CAMK1: variants seen among roughly 807,000 people sequenced by gnomAD.
The protein encoded by CAMK1 is calcium/calmodulin-dependent protein kinase type 1.
In CAMK1, 39 loss-of-function variants were observed where a neutral mutation model predicts 49.1. The ratio of observed to expected loss-of-function variants is 0.79; its 90% CI spans 0.62 to 1.04. The LOEUF (loss-of-function observed/expected upper bound fraction) is 1.04. Ranked by LOEUF, CAMK1 falls within the 50% of genes least tolerant of loss-of-function variation. The pLI is 0.00. For synonymous variants in CAMK1, 192 were observed against 185.2 expected, an observed-to-expected ratio of 1.04 and a Z score of -0.30; for missense variants, 457 against 472.2, an observed-to-expected ratio of 0.97 and a Z score of 0.30.
At chr3:9,764,321 G>A (rs1341888644) in intron 3 of CAMK1, among the ~76,000 whole-genome samples, 1 of 152,052 alleles carries the variant, frequency 6.6e-6, no homozygotes, top group Non-Finnish European at 1.5e-5. Flanking sequence ...TTGAGACGGA[G>A]TTTTACTCTT....
chr3:9,759,393 C>G (rs536390884), intron 10 of CAMK1, 95 bp downstream of exon 10: 1 of 1,573,874 alleles, frequency 6.4e-7, no homozygotes. Flanking sequence ...TACTGTGTGC[C>G]CAGTGTGATG....
At position 9,763,179 on chromosome 3, in the gene CAMK1, T is replaced by C. The variant is rs1347191149; in HGVS notation, c.250A>G (p.Ile84Val). Residue 84 changes from isoleucine to valine, a missense_variant, in exon 4 of 12, where the codon ATC (isoleucine) becomes GTC (valine). By Grantham distance (29) the Ile-to-Val change is conservative. Coordinates refer to ENST00000256460, the MANE Select transcript of CAMK1 (RefSeq NM_003656.5). ...KHPNIVALDD[I>V]YESGGHLYLI... ...TAGAGGTGGCCCCCACTCTCATAGA[T>C]GTCATCCAGGGCTACAATGTTGGGG... 6.2e-7 allele frequency: 1 copy of C among 1,613,938 alleles called. No individual in the cohort carries two copies. Among genetic ancestry groups the C allele is most frequent in the East Asian group, 2.2e-5 (1 of 44,878 alleles).
intron 7 of CAMK1, 96 bp downstream of exon 7, chr3:9,761,365 A>G (rs1477820284): frequency 9.5e-6 from 12 of 1,257,486 alleles, no homozygotes; most frequent in Non-Finnish European, 1.3e-5. Flanking sequence ...GGAGGGAAGG[A>G]AGGGAGGGCA....
rs1239614122 is a variant in CAMK1 at position 9,757,735 on chromosome 3, C to A, written c.1024G>T (p.Ala342Ser). ...ASHGELLTPV[A>S]GGPAAGCCCR... ...TGCAGAGCCCGCTCCTCACCCCCAGCCACTGGTGTCAGCAGCTCCCCATGG... is the reference window on the plus strand; with the variant it reads ...TGCAGAGCCCGCTCCTCACCCCCAGACACTGGTGTCAGCAGCTCCCCATGG... The change falls in exon 11 of 12, where the codon GCT becomes TCT. Residue 342 changes from alanine to serine, a missense_variant. Ala to Ser is a moderately conservative substitution (Grantham distance 99). Coordinates refer to ENST00000256460, the MANE Select transcript of CAMK1 (RefSeq NM_003656.5). The surrounding 1 kb of genome is among the most constrained non-coding windows in gnomAD (Gnocchi z 4.5). 3.1e-6 allele frequency: 5 copies of A among 1,614,076 alleles called. No homozygotes were observed. The African/African-American group carries it at 5.3e-5, about 17-fold the overall frequency.
intron 8 of CAMK1, 85 bp downstream of exon 8, chr3:9,760,571 G>A (rs972980547): frequency 2.2e-6 from 3 of 1,376,548 alleles, no homozygotes; most frequent in Non-Finnish European, 1.0e-6. Context: ...CCGACAGAAG[G>A]AAGGCAGGAG....
chr3:9,757,853 T>C lies in CAMK1; in HGVS notation c.913-7A>G. On this transcript the variant is annotated splice_region_variant and splice_polypyrimidine_tract_variant and intron_variant, in intron 10 of 11. Transcript: ENST00000256460. This position sits in a 1 kb window ranked among gnomAD's most constrained non-coding sequence, Gnocchi z 4.5. ...CCGTGGCATTGAAGGCTTGCTGGCA[T>C]TGAAGGCATTGAAGGGAGAGGGGAG... 6.3e-7 allele frequency: 1 copy of C among 1,597,048 alleles called. No homozygotes were observed. Among genetic ancestry groups the C allele is most frequent in the Non-Finnish European group, 8.6e-7 (1 of 1,166,922 alleles).
intron 8 of CAMK1, 78 bp downstream of exon 8, chr3:9,760,578 G>GGT: frequency 6.8e-7 from 1 of 1,461,358 alleles, no homozygotes; most frequent in South Asian, 1.1e-5. Flanking sequence ...AAGGAAGGCA[G>GGT]GAGGGAGACC....
intron 2 of CAMK1, chr3:9,766,166 T>A: frequency 1.1e-6 from 1 of 914,954 alleles, no homozygotes; most frequent in Non-Finnish European, 1.7e-6. Flanking sequence ...TGGTAGGATG[T>A]AAGCCTGGAG....
chr3:9,763,548 A>G (rs2125585285), intron 3 of CAMK1, among the ~76,000 whole-genome samples: 1 of 152,138 alleles, frequency 6.6e-6, no homozygotes, highest in South Asian at 2.1e-4. Flanking sequence ...GTTTATTACC[A>G]TTTTTTGGAA....
At position 9,763,218 on chromosome 3, in the gene CAMK1, A is replaced by G; in HGVS notation, c.216-5T>C. The G allele has an allele frequency of 6.2e-7, 1 of 1,613,702 alleles. No homozygotes were observed. The highest frequency in any genetic ancestry group is 1.1e-5 in the South Asian group (1 of 91,064). On this transcript the variant is annotated splice_region_variant and splice_polypyrimidine_tract_variant and intron_variant, in intron 3 of 11. Transcript: ENST00000256460. ...ACAATGTTGGGGTGCTTGATCCTGAAAGGAGAAATGAGGTGGTTTAGCCAG... is the reference window on the plus strand; with the variant it reads ...ACAATGTTGGGGTGCTTGATCCTGAGAGGAGAAATGAGGTGGTTTAGCCAG...
intron 5 of CAMK1, chr3:9,762,276 G>A (rs1280010587): frequency 6.5e-6 from 1 of 153,738 alleles, no homozygotes; most frequent in Non-Finnish European, 1.4e-5. Context: ...CCGAGGAGTA[G>A]GATTTCGGGG....
chr3:9,767,906 C>A (rs1219633000), intron 1 of CAMK1, 125 bp from the exon 2 acceptor site: 1 of 1,325,990 alleles, frequency 7.5e-7, no homozygotes, highest in Admixed American at 3.0e-5. Flanking sequence ...TTGACAAAAT[C>A]ATTCAACAAA....
rs1559691300 is a variant in CAMK1, at chr3:9,757,525, C to CGA, written c.*12_*13dup. On this transcript the variant is annotated 3_prime_UTR_variant, in exon 12 of 12. Transcript: ENST00000256460. This position sits in a 1 kb window ranked among gnomAD's most constrained non-coding sequence, Gnocchi z 4.5. ...CCCTCCCACGCAGAGGATCATGACC[C>CGA]GAGGTCCAGGGCCCTAGAGCTGGTG... 1 of 1,609,470 alleles carries CGA rather than the reference C, an allele frequency of 6.2e-7. No homozygotes were observed. Among genetic ancestry groups the CGA allele is most frequent in the South Asian group, 1.1e-5 (1 of 90,844 alleles).
intron 8 of CAMK1, chr3:9,760,377 G>A (rs2077796327): frequency 2.9e-6 from 1 of 339,758 alleles, no homozygotes; most frequent in East Asian, 6.1e-5. Context: ...GTTTATGGTG[G>A]TGTTTTAGAC....
chr3:9,758,922 GCCTGGC>G (rs2077715915), intron 10 of CAMK1: 1 of 429,262 alleles, frequency 2.3e-6, no homozygotes, highest in Non-Finnish European at 4.4e-6. Flanking sequence ...GAGCCACCAT[GCCTGGC>G]CCTGAGAGCC....
At chr3:9,761,039 C>G (rs948031198) in intron 7 of CAMK1, 19 of 441,510 alleles carry the variant, frequency 4.3e-5, no homozygotes, top group African/African-American at 3.6e-4. Flanking sequence ...GTCTGGCTCC[C>G]TCACCACTCG....
chr3:9,769,676 CAG>C (rs2078257347), intron 1 of CAMK1, among the ~76,000 whole-genome samples, 154 bp downstream of exon 1: 1 of 152,320 alleles, frequency 6.6e-6, no homozygotes, highest in African/African-American at 2.4e-5. Context: ...GGGCCTGGGA[CAG>C]AGGTGGAGAA....
chr3:9,766,551 T>C (rs186934162), intron 2 of CAMK1: 5 of 653,932 alleles, frequency 7.6e-6, no homozygotes, highest in African/African-American at 5.7e-5. Context: ...AATCTGCAGT[T>C]TAACAAAATC....
Position 9,757,825 on chromosome 3 carries a change from C to T in CAMK1, c.934G>A (p.Val312Met). Residue 312 changes from valine (V) to methionine (M), a missense_variant, in exon 11 of 12, where the codon GTG (valine) becomes ATG (methionine). Transcript: ENST00000256460. This position sits in a 1 kb window ranked among gnomAD's most constrained non-coding sequence, Gnocchi z 4.5. ...TGCAGTTTCCTCATGTGCCGCACCACAGCCGTGGCATTGAAGGCTTGCTGG... is the reference window on the plus strand; with the variant it reads ...TGCAGTTTCCTCATGTGCCGCACCATAGCCGTGGCATTGAAGGCTTGCTGG... ...KWKQAFNATA[V>M]VRHMRKLQLG... 6.2e-7 allele frequency: 1 copy of T among 1,608,796 alleles called. No individual in the cohort carries two copies.
Sources: allele counts gnomAD v4.1 joint callset (sites outside exome capture counted in the v4.1 genomes callset), GRCh38; gene constraint gnomAD v4.1.1; non-coding constraint Gnocchi (gnomAD v3.1); transcripts MANE v1.5; gene names NCBI Gene and HGNC (gene_info 2026-07-23, HGNC 2026-07-21).